THSD7B: variants seen among roughly 807,000 people sequenced by gnomAD.
THSD7B encodes thrombospondin type-1 domain-containing protein 7B.
Under a neutral mutation model 213.6 loss-of-function variants are expected in THSD7B, and 138 were observed. The ratio of observed to expected loss-of-function variants is 0.65; its 90% CI spans 0.56 to 0.74. The LOEUF is 0.74. Among genes scored for constraint, THSD7B ranks in the 30% least tolerant of loss-of-function variants. The pLI, the probability that THSD7B is intolerant of heterozygous loss-of-function variation, is 0.00. For missense variants in THSD7B, 1,931 were observed against 1,991.5 expected (o/e 0.97, Z 0.58); for synonymous variants, 742 against 687.0 (o/e 1.08, Z -1.25).
At chr2:136,875,160 G>A (rs1174313812) in intron 1 of THSD7B, among the ~76,000 whole-genome samples, 5 of 152,204 alleles carry the variant, frequency 3.3e-5, no homozygotes, top group African/African-American at 7.2e-5. Flanking sequence ...AGTGGCTCAC[G>A]TCTGTGATCC....
intron 2 of THSD7B, among the ~76,000 whole-genome samples, chr2:136,890,407 CTCTTCTTCT>C (rs1360389540): frequency 2.6e-3 from 1 of 390 alleles, no homozygotes; most frequent in African/African-American, 3.4e-3. Context: ...CTTCCTCTTC[CTCTTCTTCT>C]TCTTCTTCTT....
In THSD7B at chr2:137,437,690, A is replaced by T. The variant is rs76940828; in HGVS notation, c.2960-13155A>T. On this transcript the variant is annotated intron_variant, in intron 14 of 27. Transcript: ENST00000409968. ...CCTGATTGGTGAGGGTGGGATGATA[A>T]AGATTTCAATGTAACTGTTTTTATT... Among the ~76,000 whole-genome samples, 1,385 of 152,206 alleles carry T rather than the reference A, an allele frequency of 9.1e-3. 18 individuals are homozygous for T. Among genetic ancestry groups the T allele is most frequent in the African/African-American group, 0.031 (1,284 of 41,538 alleles).
At chr2:137,100,545 T>G (rs912209365) in intron 4 of THSD7B, among the ~76,000 whole-genome samples, 1 of 152,038 alleles carries the variant, frequency 6.6e-6, no homozygotes, top group Non-Finnish European at 1.5e-5. Flanking sequence ...ACACATCATC[T>G]CATACATATG....
At chr2:137,420,691 T>C (rs183853506) in intron 14 of THSD7B, among the ~76,000 whole-genome samples, 2 of 152,334 alleles carry the variant, frequency 1.3e-5, no homozygotes, top group Non-Finnish European at 2.9e-5. Flanking sequence ...AAAACACAGA[T>C]TGTAAATTAT....
At chr2:137,282,620 T>A (rs1683054906) in intron 12 of THSD7B, among the ~76,000 whole-genome samples, 2 of 152,208 alleles carry the variant, frequency 1.3e-5, no homozygotes, top group African/African-American at 4.8e-5. Context: ...GCTTTCTACA[T>A]ATGGCTAGCC....
intron 15 of THSD7B, among the ~76,000 whole-genome samples, chr2:137,519,971 A>G (rs886586171): frequency 6.6e-6 from 1 of 152,254 alleles, no homozygotes. Flanking sequence ...TGACGTGGAA[A>G]GAAAGCTAAA....
In THSD7B at chr2:137,084,059, T is replaced by C. The variant is rs1323970695; in HGVS notation, c.951-10814T>C. Reference sequence around the variant, plus strand: ...TTCACAATTAGGGACTTTACTCTTATGTTATTAGTTACTTCTAATCAGTAT... The same window carrying C: ...TTCACAATTAGGGACTTTACTCTTACGTTATTAGTTACTTCTAATCAGTAT... On this transcript the variant is annotated intron_variant, in intron 3 of 27. Coordinates refer to ENST00000409968, the MANE Select transcript of THSD7B (RefSeq NM_001316349.2). Among the ~76,000 whole-genome samples the C allele has an allele frequency of 1.2e-4, 18 of 151,618 alleles. No homozygotes were observed. In the Admixed American group the frequency reaches 1.2e-3, roughly 10 times the overall value.
rs1276923984 is a variant in THSD7B at position 137,565,024 on chromosome 2, A to C, written c.3272+1670A>C. ...ATCCATTCTAACTGGTGGCCTTATA[A>C]GAAGAGAAGACTAGGACACAGACAC... On this transcript the variant is annotated intron_variant, in intron 16 of 27. Coordinates refer to ENST00000409968, the MANE Select transcript of THSD7B (RefSeq NM_001316349.2). Among the ~76,000 whole-genome samples the C allele has an allele frequency of 2.0e-5, 3 of 152,282 alleles. No individual in the cohort carries two copies. The East Asian group carries it at 5.8e-4, about 29-fold the overall frequency.
intron 1 of THSD7B, among the ~76,000 whole-genome samples, chr2:136,768,405 A>AT (rs397948038): frequency 6.6e-6 from 1 of 152,204 alleles, no homozygotes; most frequent in African/African-American, 2.4e-5. Context: ...AAAGAAAAAA[A>AT]GTCTTGCCAA....
At chr2:137,568,808 A>C (rs1451082577) in intron 16 of THSD7B, among the ~76,000 whole-genome samples, 1 of 152,176 alleles carries the variant, frequency 6.6e-6, no homozygotes, top group Admixed American at 6.6e-5. Context: ...TTACAATTCA[A>C]GATGAGATTT....
chr2:137,172,707 T>C (rs1046395524), intron 7 of THSD7B, among the ~76,000 whole-genome samples: 5 of 152,198 alleles, frequency 3.3e-5, no homozygotes, highest in Non-Finnish European at 7.3e-5. Context: ...GGAACCCCGA[T>C]GTATAACCAT....
chr2:136,941,344 G>C (rs1002637251), intron 2 of THSD7B, among the ~76,000 whole-genome samples: 1 of 152,162 alleles, frequency 6.6e-6, no homozygotes, highest in African/African-American at 2.4e-5. Flanking sequence ...ATAGTAGCAT[G>C]ATTTATAATC....
At chr2:136,879,158 A>G (rs1347272733) in intron 1 of THSD7B, among the ~76,000 whole-genome samples, 2 of 152,148 alleles carry the variant, frequency 1.3e-5, no homozygotes, top group East Asian at 1.9e-4. Flanking sequence ...TCCCAGCACC[A>G]TTTATTAAAT....
chr2:137,675,814 G>A (rs567394648), intron 27 of THSD7B, among the ~76,000 whole-genome samples: 1 of 152,212 alleles, frequency 6.6e-6, no homozygotes, highest in South Asian at 2.1e-4. Flanking sequence ...GAAGTTAAGT[G>A]GCAGAATTAA....
intron 2 of THSD7B, among the ~76,000 whole-genome samples, chr2:136,954,277 T>C (rs1199366239): frequency 6.6e-6 from 1 of 152,148 alleles, no homozygotes; most frequent in East Asian, 1.9e-4. Flanking sequence ...GGAGGTGATA[T>C]TTAAGCTGCG....
At chr2:137,072,892 A>G (rs1687527739) in intron 3 of THSD7B, among the ~76,000 whole-genome samples, 1 of 152,130 alleles carries the variant, frequency 6.6e-6, no homozygotes, top group South Asian at 2.1e-4. Flanking sequence ...TTCTGTTTAT[A>G]TGCTGGATAA....
intron 2 of THSD7B, among the ~76,000 whole-genome samples, chr2:136,996,187 T>C (rs993367553): frequency 1.3e-5 from 2 of 152,220 alleles, no homozygotes; most frequent in East Asian, 3.8e-4. Flanking sequence ...CGTCTGTCTG[T>C]GTGCACTAAG....
At chr2:137,079,485 T>C (rs182272969) in intron 3 of THSD7B, among the ~76,000 whole-genome samples, 6 of 152,354 alleles carry the variant, frequency 3.9e-5, no homozygotes, top group Middle Eastern at 6.8e-3. Context: ...TTGTCTCTTC[T>C]AATGCTTTTT....
intron 2 of THSD7B, among the ~76,000 whole-genome samples, chr2:136,963,798 G>T (rs1184270368): frequency 2.6e-5 from 4 of 152,208 alleles, no homozygotes; most frequent in Non-Finnish European, 4.4e-5. Flanking sequence ...AGTGGTATTT[G>T]TGTGTTATGA....
Sources: gnomAD v4.1 joint callset for allele counts (sites outside exome capture counted in the v4.1 genomes callset) on GRCh38, gnomAD v4.1.1 for gene constraint, MANE v1.5 for transcripts, NCBI Gene and HGNC (gene_info 2026-07-23, HGNC 2026-07-21) for gene names.